Variants in UNC13C observed in about 807,000 individuals in gnomAD.
UNC13C encodes the protein protein unc-13 homolog C.
A neutral mutation model predicts 245.4 loss-of-function variants in UNC13C; 174 were observed. The ratio of observed to expected loss-of-function variants is 0.71; its 90% CI spans 0.63 to 0.80. The LOEUF is 0.80. Ranked by LOEUF, UNC13C falls within the 30% of genes least tolerant of loss-of-function variation. UNC13C has a pLI of 0.00. For synonymous variants in UNC13C, 992 were observed against 895.1 expected (o/e 1.11, Z -1.93); for missense variants, 2,829 against 2,602.9 (o/e 1.09, Z -1.89).
intron 2 of UNC13C, among the ~76,000 whole-genome samples, chr15:54,069,710 G>C (rs1232992281): frequency 1.3e-5 from 2 of 152,172 alleles, no homozygotes; most frequent in Non-Finnish European, 2.9e-5. Context: ...TAATTTGTTT[G>C]AAATCATACA....
At chr15:53,988,592 A>G (rs528083008) in intron 1 of UNC13C, among the ~76,000 whole-genome samples, 28 of 151,954 alleles carry the variant, frequency 1.8e-4, no homozygotes, top group African/African-American at 6.0e-4. Flanking sequence ...TGCAACAGGA[A>G]TGGTCTGCTA....
intron 4 of UNC13C, among the ~76,000 whole-genome samples, chr15:54,228,071 A>G (rs1194178193): frequency 1.3e-5 from 2 of 152,132 alleles, no homozygotes; most frequent in African/African-American, 4.8e-5. Flanking sequence ...CGTGCTACAA[A>G]GTCCTACTCA....
chr15:54,568,321 GATA>G (rs1375757976), intron 30 of UNC13C, among the ~76,000 whole-genome samples: 1 of 151,986 alleles, frequency 6.6e-6, no homozygotes, highest in Non-Finnish European at 1.5e-5. Flanking sequence ...TCCAAAAAAT[GATA>G]ATAATTCCCT....
chr15:54,286,909 C>T (rs2037165158), intron 10 of UNC13C, among the ~76,000 whole-genome samples: 1 of 152,102 alleles, frequency 6.6e-6, no homozygotes, highest in Non-Finnish European at 1.5e-5. Flanking sequence ...AACCAGCTCT[C>T]TCTTTAACAA....
Position 54,338,345 on chromosome 15 carries a change from T to C in UNC13C, c.4585-16T>C. ...TCACTGTTGCATTTGAGAAAATAAA[T>C]GTCTGTCTTTGTCAGGTTCTGGAGC... is the stretch of plus-strand genomic sequence containing the variant. On this transcript the variant is annotated splice_polypyrimidine_tract_variant and intron_variant, in intron 16 of 32. Transcript: ENST00000260323. The C allele has an allele frequency of 6.3e-7, 1 of 1,593,626 alleles. No individual in the cohort carries two copies. The highest frequency in any genetic ancestry group is 8.6e-7 in the Non-Finnish European group (1 of 1,168,794).
chr15:54,261,074 T>C (rs2036411521), intron 8 of UNC13C, among the ~76,000 whole-genome samples: 1 of 152,206 alleles, frequency 6.6e-6, no homozygotes, highest in South Asian at 2.1e-4. Flanking sequence ...TAATTATTTT[T>C]AAAAGTATCA....
intron 4 of UNC13C, among the ~76,000 whole-genome samples, chr15:54,221,565 G>A (rs2035227607): frequency 1.3e-5 from 2 of 151,954 alleles, no homozygotes; most frequent in South Asian, 2.1e-4. Flanking sequence ...AATAAAAAGA[G>A]TTGTTTGTAA....
rs1183335680 is a variant in UNC13C, at chr15:54,082,974, G to A, written c.2984-60044G>A. 3.9e-5 allele frequency among the ~76,000 whole-genome samples: 6 copies of A among 152,084 alleles called. No homozygotes were observed. The South Asian group carries it at 1.2e-3, about 32-fold the overall frequency. ...GCTCCGGGTGTGGAGGTCTCAGGGA[G>A]CACATCTTGTGTACTAGCAGTAAGA... On this transcript the variant is annotated intron_variant, in intron 2 of 32. Coordinates refer to ENST00000260323, the MANE Select transcript of UNC13C (RefSeq NM_001080534.3).
intron 2 of UNC13C, among the ~76,000 whole-genome samples, chr15:54,098,022 GT>G (rs1046051667): frequency 6.6e-6 from 1 of 152,134 alleles, no homozygotes; most frequent in Non-Finnish European, 1.5e-5. Context: ...ATACAATTAG[GT>G]GTGATTTTGC....
At chr15:54,255,571 G>C (rs1369859363) in intron 8 of UNC13C, among the ~76,000 whole-genome samples, 1 of 152,170 alleles carries the variant, frequency 6.6e-6, no homozygotes, top group African/African-American at 2.4e-5. Context: ...CCGCCTGTGT[G>C]TTCCTCTGCT....
At chr15:54,080,454 T>G (rs1898881712) in intron 2 of UNC13C, among the ~76,000 whole-genome samples, 2 of 151,634 alleles carry the variant, frequency 1.3e-5, no homozygotes, top group African/African-American at 2.4e-5. Flanking sequence ...TGATCTTGGG[T>G]TTTTTTTAGT....
At chr15:54,524,501 G>A (rs1237663533) in intron 24 of UNC13C, among the ~76,000 whole-genome samples, 2 of 152,288 alleles carry the variant, frequency 1.3e-5, no homozygotes, top group East Asian at 3.9e-4. Context: ...TCATTCCAAT[G>A]TTTTTAGTCA....
intron 2 of UNC13C, among the ~76,000 whole-genome samples, chr15:54,131,236 G>T (rs1243747433): frequency 6.6e-6 from 1 of 152,130 alleles, no homozygotes; most frequent in South Asian, 2.1e-4. Flanking sequence ...CTTCCATGTG[G>T]TATCTTATTT....
intron 25 of UNC13C, among the ~76,000 whole-genome samples, chr15:54,528,215 T>C (rs1040892725): frequency 5.3e-5 from 8 of 152,222 alleles, no homozygotes; most frequent in African/African-American, 1.9e-4. Flanking sequence ...GACTAAGTGA[T>C]ATAACCTCAA....
intron 15 of UNC13C, 150 bp downstream of exon 15, chr15:54,332,261 T>G: frequency 1.7e-6 from 1 of 592,954 alleles, no homozygotes; most frequent in Non-Finnish European, 2.9e-6. Flanking sequence ...GCAGGTCTCC[T>G]TTTTTGTTCA....
the UNC13C span, among the ~76,000 whole-genome samples, chr15:53,934,729 C>A: frequency 6.6e-6 from 1 of 152,126 alleles, no homozygotes; most frequent in Admixed American, 6.6e-5. Flanking sequence ...AATCCCAGAG[C>A]AAGGCACCGA....
chr15:54,525,319 T>C (rs1566887850), intron 24 of UNC13C, among the ~76,000 whole-genome samples: 1 of 151,970 alleles, frequency 6.6e-6, no homozygotes, highest in Non-Finnish European at 1.5e-5. Flanking sequence ...CTGTTACTTG[T>C]ATGCATGCCC....
rs144188497 is a variant in UNC13C at position 54,482,167 on chromosome 15, G to A, written c.4934-12441G>A. Among the ~76,000 whole-genome samples the A allele has an allele frequency of 1.6e-3, 242 of 152,232 alleles. 1 individual carries two copies. Among genetic ancestry groups the A allele is most frequent in the Admixed American group, 3.7e-3 (57 of 15,296 alleles). ...GTAGTGGAAACTCAGCTGCACTGCC[G>A]TGTCCAGCTAGTGTCATGATACTGC... On this transcript the variant is annotated intron_variant, in intron 19 of 32. Transcript: ENST00000260323.
chr15:54,154,225 A>T (rs1013037115), intron 4 of UNC13C, among the ~76,000 whole-genome samples: 3 of 151,882 alleles, frequency 2.0e-5, no homozygotes, highest in Admixed American at 6.6e-5. Context: ...TTATTCACCA[A>T]TCTACTTTCT....
Sources: gnomAD v4.1 joint callset for allele counts (sites outside exome capture counted in the v4.1 genomes callset) on GRCh38, gnomAD v4.1.1 for gene constraint, MANE v1.5 for transcripts, NCBI Gene and HGNC (gene_info 2026-07-23, HGNC 2026-07-21) for gene names.